Variants in EDEM3 observed in about 807,000 individuals in gnomAD.
EDEM3 encodes ER degradation-enhancing alpha-mannosidase-like protein 3.
A neutral mutation model predicts 110.2 loss-of-function variants in EDEM3; 60 were observed. That is an observed-to-expected ratio of 0.54 (90% CI 0.44 to 0.67). The LOEUF (loss-of-function observed/expected upper bound fraction) is 0.67. EDEM3 is among the 30% of genes least tolerant of loss of function. The probability of loss-of-function intolerance (pLI) is 0.00; values close to 1 mark genes in which losing one functional copy is unlikely to be tolerated. For missense variants in EDEM3, 996 were observed against 1,121.0 expected, an observed-to-expected ratio of 0.89 and a Z score of 1.59; for synonymous variants, 352 against 382.9, an observed-to-expected ratio of 0.92 and a Z score of 0.94.
At chr1:184,717,395 G>T in intron 12 of EDEM3, 145 bp downstream of exon 12, 1 of 617,798 alleles carries the variant, frequency 1.6e-6, no homozygotes, top group Non-Finnish European at 2.8e-6. Context: ...TAATTCTATG[G>T]ACTAGATGAA....
intron 19 of EDEM3, chr1:184,701,460 G>A (rs752685483): frequency 2.7e-5 from 32 of 1,207,354 alleles, no homozygotes; most frequent in Admixed American, 8.5e-5. Context: ...ACATATATAC[G>A]TATATAATTT....
chr1:184,742,705 CG>C, intron 2 of EDEM3, among the ~76,000 whole-genome samples: 1 of 152,146 alleles, frequency 6.6e-6, no homozygotes. Flanking sequence ...TACTTTTACA[CG>C]TATCTTTTCA....
At chr1:184,742,981 AAC>A (rs1215553587) in intron 2 of EDEM3, among the ~76,000 whole-genome samples, 2 of 152,196 alleles carry the variant, frequency 1.3e-5, no homozygotes, top group East Asian at 3.8e-4. Context: ...AGGGTTTTCT[AAC>A]ACACAGACAC....
intron 2 of EDEM3, among the ~76,000 whole-genome samples, chr1:184,747,048 A>G (rs1414942408): frequency 5.9e-5 from 9 of 151,830 alleles, no homozygotes; most frequent in Non-Finnish European, 1.3e-4. Flanking sequence ...ATTTTACTTC[A>G]TCTTCACAAG....
intron 1 of EDEM3, among the ~76,000 whole-genome samples, chr1:184,753,655 T>C (rs1476644145): frequency 6.6e-6 from 1 of 152,182 alleles, no homozygotes; most frequent in Non-Finnish European, 1.5e-5. Context: ...TTATATTTAC[T>C]AATCTGATGG....
chr1:184,698,304 T>C (rs1297509957), intron 19 of EDEM3, among the ~76,000 whole-genome samples: 1 of 151,784 alleles, frequency 6.6e-6, no homozygotes, highest in Non-Finnish European at 1.5e-5. Flanking sequence ...AGTATGCATA[T>C]CTAAGAAGAT....
Position 184,734,599 on chromosome 1 carries a change from A to C in EDEM3, c.390T>G (p.Val130=). Residue 130 remains valine, a synonymous_variant, in exon 5 of 20, where the codon GTT becomes GTG. Transcript: ENST00000318130. ...TKEFEDAVRK[V]LRDVNLDNDV... is the part of the protein sequence containing the mutation. ...CGTTATCTAAATTAACATCTCTTAAAACTTTTCTCACTGCATCTTCAAATT... is the reference window on the plus strand; with the variant it reads ...CGTTATCTAAATTAACATCTCTTAACACTTTTCTCACTGCATCTTCAAATT... The C allele has an allele frequency of 6.5e-7, 1 of 1,550,046 alleles. No individual in the cohort carries two copies. Among genetic ancestry groups the C allele is most frequent in the South Asian group, 1.2e-5 (1 of 80,464 alleles).
intron 6 of EDEM3, 67 bp from the exon 7 acceptor site, chr1:184,726,456 T>A: frequency 6.6e-7 from 1 of 1,504,026 alleles, no homozygotes; most frequent in Non-Finnish European, 9.0e-7. Context: ...AGAAACTACT[T>A]TTCAATCAAG....
intron 9 of EDEM3, 72 bp from the exon 10 acceptor site, chr1:184,719,640 C>A: frequency 7.0e-7 from 1 of 1,427,064 alleles, no homozygotes; most frequent in South Asian, 1.5e-5. Context: ...CATTAAATAG[C>A]ACTGTGAATA....
intron 2 of EDEM3, among the ~76,000 whole-genome samples, chr1:184,741,459 T>C (rs1268044934): frequency 1.3e-5 from 2 of 152,130 alleles, no homozygotes; most frequent in African/African-American, 4.8e-5. Context: ...TTTCAATGTT[T>C]CTAATATTTT....
intron 9 of EDEM3, among the ~76,000 whole-genome samples, chr1:184,719,889 C>T (rs1483053071): frequency 6.6e-6 from 1 of 152,206 alleles, no homozygotes; most frequent in African/African-American, 2.4e-5. Context: ...CCCACTGATG[C>T]TCATAGGTCC....
Position 184,719,224 on chromosome 1 carries a change from G to A in EDEM3, c.1099C>T (p.Pro367Ser), listed in dbSNP as rs374764361. The change falls in exon 11 of 20, where the codon CCT becomes TCT. Residue 367 changes from proline to serine, a missense_variant. Around this residue, in one of 5 missense-constraint regions of EDEM3, gnomAD observed 310 missense variants for 394.6 expected, o/e 0.79. Coordinates refer to ENST00000318130, the MANE Select transcript of EDEM3 (RefSeq NM_025191.4). ...GLQVLKGDIR[P>S]AIETHEMLYQ... Reference sequence around the variant, plus strand: ...AACATTTCATGAGTTTCAATAGCAGGTCTAATATCCCCCTTTAACACCTAG... The same window carrying A: ...AACATTTCATGAGTTTCAATAGCAGATCTAATATCCCCCTTTAACACCTAG... 9.4e-5 allele frequency: 148 copies of A among 1,573,742 alleles called. No homozygotes were observed. Among genetic ancestry groups the A allele is most frequent in the Non-Finnish European group, 1.2e-4 (137 of 1,163,624 alleles).
intron 7 of EDEM3, among the ~76,000 whole-genome samples, chr1:184,725,686 T>A (rs2102097019): frequency 6.6e-6 from 1 of 152,054 alleles, no homozygotes; most frequent in East Asian, 1.9e-4. Flanking sequence ...GTGCTTTGTG[T>A]TACCACTGCA....
chr1:184,719,311 T>C (rs540347956), intron 10 of EDEM3, 66 bp from the exon 11 acceptor site: 2 of 1,512,068 alleles, frequency 1.3e-6, no homozygotes, highest in African/African-American at 1.4e-5. Flanking sequence ...AATCATTACA[T>C]AAACAGAAAA....
chr1:184,719,509 G>T lies in EDEM3; in HGVS notation c.1011C>A (p.Ile337=). Residue 337 remains isoleucine, a synonymous_variant, in exon 10 of 20, where the codon ATC becomes ATA. Coordinates refer to ENST00000318130, the MANE Select transcript of EDEM3 (RefSeq NM_025191.4). ...SQPPLLLDVH[I]HKPMLNARTW... is the part of the protein sequence containing the mutation. ...TCCGAGCATTCAGCATTGGTTTGTG[G>T]ATATGCACATCAAGTAGAAGAGGTG... 6.2e-7 allele frequency: 1 copy of T among 1,613,948 alleles called. No homozygotes were observed. The highest frequency in any genetic ancestry group is 8.5e-7 in the Non-Finnish European group (1 of 1,179,958).
Position 184,710,564 on chromosome 1 carries a change from C to A in EDEM3, c.1692-17G>T. ...CTCTCCTCTCTGCTAAAAGTAATTA[C>A]AGGCAAGGCTTAAAAAACTATAAAT... On this transcript the variant is annotated splice_polypyrimidine_tract_variant and intron_variant, in intron 15 of 19. Coordinates refer to ENST00000318130, the MANE Select transcript of EDEM3 (RefSeq NM_025191.4). 1.3e-6 allele frequency: 2 copies of A among 1,582,170 alleles called. No individual in the cohort carries two copies. The highest frequency in any genetic ancestry group is 1.7e-6 in the Non-Finnish European group (2 of 1,165,048).
At chr1:184,708,918 C>T (rs969623221) in intron 16 of EDEM3, among the ~76,000 whole-genome samples, 1 of 151,930 alleles carries the variant, frequency 6.6e-6, no homozygotes, top group Admixed American at 6.6e-5. Flanking sequence ...CTTGTGTGTA[C>T]CTGGGAAAGA....
chr1:184,696,450 C>T (rs1167962539), intron 19 of EDEM3, among the ~76,000 whole-genome samples: 2 of 151,420 alleles, frequency 1.3e-5, no homozygotes, highest in Non-Finnish European at 3.0e-5. Flanking sequence ...TTTTTTAACC[C>T]GGGGTGTCCG....
At chr1:184,728,131 A>G (rs755483127) in intron 6 of EDEM3, among the ~76,000 whole-genome samples, 3 of 152,220 alleles carry the variant, frequency 2.0e-5, no homozygotes. Context: ...TATTATGATA[A>G]TATACAAAGG....
Sources: gnomAD v4.1 joint callset for allele counts (sites outside exome capture counted in the v4.1 genomes callset) on GRCh38, gnomAD v4.1.1 for gene constraint, gnomAD v4.1.1 regional missense constraint, MANE v1.5 for transcripts, NCBI Gene and HGNC (gene_info 2026-07-23, HGNC 2026-07-21) for gene names.